Variants in PPARGC1A observed in about 807,000 individuals in gnomAD.
The protein encoded by PPARGC1A is peroxisome proliferator-activated receptor gamma coactivator 1-alpha.
In PPARGC1A, 25 loss-of-function variants were observed where a neutral mutation model predicts 88.7. The ratio of observed to expected loss-of-function variants is 0.28; its 90% CI spans 0.21 to 0.39. The LOEUF (loss-of-function observed/expected upper bound fraction) is 0.39. PPARGC1A is among the 10% of genes least tolerant of loss of function. PPARGC1A has a pLI of 1.00. For synonymous variants in PPARGC1A, 363 were observed against 355.6 expected, an observed-to-expected ratio of 1.02 and a Z score of -0.24; for missense variants, 880 against 968.7, an observed-to-expected ratio of 0.91 and a Z score of 1.22.
chr4:23,851,723 C>T (rs1020278110), intron 2 of PPARGC1A, among the ~76,000 whole-genome samples: 22 of 152,170 alleles, frequency 1.4e-4, no homozygotes, highest in African/African-American at 5.1e-4. Context: ...GTTCAAGCTT[C>T]AGTAAGAGTG....
At chr4:24,425,937 A>G in the PPARGC1A span, among the ~76,000 whole-genome samples, 2 of 152,242 alleles carry the variant, frequency 1.3e-5, no homozygotes, top group Non-Finnish European at 2.9e-5. Context: ...ACACAAAGAA[A>G]TTACTCTATG....
the PPARGC1A span, among the ~76,000 whole-genome samples, chr4:23,919,346 T>G: frequency 2.6e-5 from 4 of 152,064 alleles, no homozygotes; most frequent in African/African-American, 7.2e-5. Context: ...ACTTACCACA[T>G]GCACAACTTT....
the PPARGC1A span, among the ~76,000 whole-genome samples, chr4:24,431,599 C>T: frequency 9.9e-5 from 15 of 152,152 alleles, no homozygotes; most frequent in Non-Finnish European, 1.9e-4. Context: ...GAGAGAAGAA[C>T]CAGAAAGACC....
chr4:24,419,778 GATTATAATCAC>G, the PPARGC1A span, among the ~76,000 whole-genome samples: 1 of 152,060 alleles, frequency 6.6e-6, no homozygotes, highest in Non-Finnish European at 1.5e-5. Flanking sequence ...ACTATTTCCT[GATTATAATCAC>G]ATCCAAATCA....
the PPARGC1A span, among the ~76,000 whole-genome samples, chr4:24,408,729 T>C: frequency 6.6e-6 from 1 of 152,192 alleles, no homozygotes; most frequent in African/African-American, 2.4e-5. Flanking sequence ...TAGGCCACTC[T>C]GGAGATCCAG....
intron 2 of PPARGC1A, among the ~76,000 whole-genome samples, chr4:23,869,807 C>T (rs1323207115): frequency 1.3e-5 from 2 of 152,002 alleles, no homozygotes; most frequent in East Asian, 3.9e-4. Context: ...TACGGAAAGC[C>T]ATGAAGGAGA....
At chr4:23,867,323 A>G (rs1407455237) in intron 2 of PPARGC1A, among the ~76,000 whole-genome samples, 1 of 152,224 alleles carries the variant, frequency 6.6e-6, no homozygotes, top group Non-Finnish European at 1.5e-5. Flanking sequence ...TACTTAATAC[A>G]TCTTTGTATT....
At chr4:24,307,289 C>T in the PPARGC1A span, among the ~76,000 whole-genome samples, 1 of 152,172 alleles carries the variant, frequency 6.6e-6, no homozygotes, top group Non-Finnish European at 1.5e-5. Context: ...AGCTCTCCCC[C>T]AAGTGACCCT....
At chr4:24,267,373 A>G in the PPARGC1A span, among the ~76,000 whole-genome samples, 9 of 152,228 alleles carry the variant, frequency 5.9e-5, no homozygotes, top group Non-Finnish European at 1.3e-4. Context: ...GATTGTTTCC[A>G]TGACCTGGCA....
chr4:23,962,245 T>C, the PPARGC1A span, among the ~76,000 whole-genome samples: 1 of 152,104 alleles, frequency 6.6e-6, no homozygotes, highest in Admixed American at 6.5e-5. Flanking sequence ...AATTCTGTTG[T>C]ATATTATGGG....
chr4:24,437,343 T>C, the PPARGC1A span, among the ~76,000 whole-genome samples: 1 of 151,488 alleles, frequency 6.6e-6, no homozygotes. Flanking sequence ...GTCAGGGAGG[T>C]GCTCTCCAAG....
the PPARGC1A span, among the ~76,000 whole-genome samples, chr4:24,035,931 T>A: frequency 6.6e-6 from 1 of 152,178 alleles, no homozygotes; most frequent in East Asian, 1.9e-4. Context: ...CGATGTTAAA[T>A]GATGTTATCC....
At chr4:23,823,044 G>A (rs1175919842) in intron 7 of PPARGC1A, among the ~76,000 whole-genome samples, 4 of 151,890 alleles carry the variant, frequency 2.6e-5, no homozygotes, top group Non-Finnish European at 5.9e-5. Flanking sequence ...CATGTGCATT[G>A]TACTGGTGAT....
the PPARGC1A span, among the ~76,000 whole-genome samples, chr4:24,033,289 G>T: frequency 3.9e-4 from 60 of 152,210 alleles, 1 homozygote; most frequent in East Asian, 1.7e-3. Context: ...TAAATGGGTC[G>T]ATATATACAA....
the PPARGC1A span, among the ~76,000 whole-genome samples, chr4:24,195,047 T>C: frequency 2.6e-5 from 4 of 152,176 alleles, no homozygotes; most frequent in African/African-American, 9.6e-5. Context: ...TATGAATATA[T>C]ATCTGTATAG....
At chr4:23,803,231 A>C (rs1374222009) in intron 10 of PPARGC1A, among the ~76,000 whole-genome samples, 1 of 152,184 alleles carries the variant, frequency 6.6e-6, no homozygotes, top group East Asian at 1.9e-4. Flanking sequence ...ATGTAAGATA[A>C]GGTTCTACAA....
chr4:24,011,234 C>T, the PPARGC1A span, among the ~76,000 whole-genome samples: 850 of 152,236 alleles, frequency 5.6e-3, 4 homozygotes, highest in Non-Finnish European at 9.5e-3. Flanking sequence ...TCTGTCCCTT[C>T]TCTCTGGAGC....
At chr4:24,088,694 T>G in the PPARGC1A span, among the ~76,000 whole-genome samples, 1 of 152,216 alleles carries the variant, frequency 6.6e-6, no homozygotes, top group Non-Finnish European at 1.5e-5. Flanking sequence ...AACATTTTAT[T>G]AAAGTCTTAA....
the PPARGC1A span, among the ~76,000 whole-genome samples, chr4:24,068,062 G>T: frequency 6.6e-6 from 1 of 152,052 alleles, no homozygotes. Flanking sequence ...ATAGGTCCTC[G>T]GTCTTCCTGA....
Sources: gnomAD v4.1 joint callset for allele counts (sites outside exome capture counted in the v4.1 genomes callset) on GRCh38, gnomAD v4.1.1 for gene constraint, MANE v1.5 for transcripts, NCBI Gene and HGNC (gene_info 2026-07-23, HGNC 2026-07-21) for gene names.